GAD1: variants seen among roughly 807,000 people sequenced by gnomAD.
The protein encoded by GAD1 is 67 kDa glutamic acid decarboxylase.
In GAD1, 35 loss-of-function variants were observed where a neutral mutation model predicts 75.2. The observed-to-expected ratio is 0.47, with a 90% CI of 0.36 to 0.62. The LOEUF (loss-of-function observed/expected upper bound fraction) is 0.62, where lower values mean the gene tolerates loss of function less well. Ranked by LOEUF, GAD1 falls within the 20% of genes least tolerant of loss-of-function variation. The probability of loss-of-function intolerance (pLI) is 0.00; values close to 1 mark genes in which losing one functional copy is unlikely to be tolerated. For synonymous variants in GAD1, 257 were observed against 271.9 expected, an observed-to-expected ratio of 0.95 and a Z score of 0.54; for missense variants, 490 against 758.5, an observed-to-expected ratio of 0.65 and a Z score of 4.16.
In GAD1 at chr2:170,828,380, TCACCCTCCTCCCTCTGCTGTCCC is replaced by T. The variant is rs1296414378; in HGVS notation, c.146-1072_146-1050del. Among the ~76,000 whole-genome samples, 731 of 132,080 alleles carry T rather than the reference TCACCCTCCTCCCTCTGCTGTCCC, an allele frequency of 5.5e-3. 25 individuals carry two copies. The highest frequency in any genetic ancestry group is 0.039 in the Admixed American group (502 of 12,878). 86.6% of individuals were successfully genotyped at this position (132,080 alleles called of 152,430 possible). A position where few individuals can be genotyped will look rare whatever the true frequency, so the allele number is the denominator to read the frequency against. ...CCTCATCCCCTTCCCTCTGCTGTCC[TCACCCTCCTCCCTCTGCTGTCCC>T]CACCCTCCTCCCTCTGCTGTCCTCA... On this transcript the variant is annotated intron_variant, in intron 3 of 16. Transcript: ENST00000358196.
chr2:170,824,378 T>C (rs1701973858), intron 3 of GAD1, among the ~76,000 whole-genome samples: 1 of 146,306 alleles, frequency 6.8e-6, no homozygotes, highest in African/African-American at 2.6e-5. Flanking sequence ...CCTGCCTGCC[T>C]ACACACACAC....
In GAD1 at chr2:170,849,669, T is replaced by C. The variant is rs115264972; in HGVS notation, c.1184+319T>C. On this transcript the variant is annotated intron_variant, in intron 12 of 16. Transcript: ENST00000358196. ...TTCGAGACCAGCCTGGGCAACACAGTGAGACCCTGTCTCTAATAGCTATCA... is the reference window on the plus strand; with the variant it reads ...TTCGAGACCAGCCTGGGCAACACAGCGAGACCCTGTCTCTAATAGCTATCA... Among the ~76,000 whole-genome samples, 1,023 of 152,322 alleles carry C rather than the reference T, an allele frequency of 6.7e-3. 12 individuals are homozygous for C. The highest frequency in any genetic ancestry group is 0.023 in the African/African-American group (954 of 41,558).
Position 170,822,116 on chromosome 2 carries a change from G to C in GAD1, c.112G>C (p.Gly38Arg). 2 of 1,612,166 alleles carry C rather than the reference G, an allele frequency of 1.2e-6. No homozygotes were observed. Among genetic ancestry groups the C allele is most frequent in the Non-Finnish European group, 1.7e-6 (2 of 1,179,334 alleles). Reference sequence around the variant, plus strand: ...CGATACCTGGTGCGGCGTGGCCCATGGATGCACCAGAAAACTGGGGCTCAA... The same window carrying C: ...CGATACCTGGTGCGGCGTGGCCCATCGATGCACCAGAAAACTGGGGCTCAA... ...TYDTWCGVAHGCTRKLGLKIC... is the reference protein window; with the variant it reads ...TYDTWCGVAHRCTRKLGLKIC... The change falls in exon 3 of 17, where the codon GGA becomes CGA. Residue 38 changes from glycine (G) to arginine (R), a missense_variant. This residue lies in a region of GAD1 where 165 missense variants were observed against 216.4 expected (regional missense o/e 0.76). Coordinates refer to ENST00000358196, the MANE Select transcript of GAD1 (RefSeq NM_000817.3).
intron 5 of GAD1, among the ~76,000 whole-genome samples, chr2:170,836,252 G>T (rs1702370800): frequency 6.6e-6 from 1 of 152,130 alleles, no homozygotes; most frequent in Admixed American, 6.5e-5. Flanking sequence ...CAAGCCTGCT[G>T]ATGTGGAGTT....
intron 16 of GAD1, 64 bp downstream of exon 16, chr2:170,858,957 C>A: frequency 7.3e-7 from 1 of 1,379,064 alleles, no homozygotes; most frequent in Non-Finnish European, 1.0e-6. Context: ...AGGACATCCT[C>A]ATTCCAATGT....
intron 2 of GAD1, 136 bp from the exon 3 acceptor site, chr2:170,821,951 T>C (rs1261001239): frequency 1.3e-6 from 1 of 772,398 alleles, no homozygotes; most frequent in Non-Finnish European, 2.2e-6. Flanking sequence ...GGCTCCTAGC[T>C]CCTTTCAGGA....
At chr2:170,839,248 T>C (rs1231160713) in intron 6 of GAD1, among the ~76,000 whole-genome samples, 1 of 152,200 alleles carries the variant, frequency 6.6e-6, no homozygotes, top group Non-Finnish European at 1.5e-5. Flanking sequence ...TATTCCTCAG[T>C]CATAGCCTCT....
chr2:170,819,146 A>G (rs949108960), intron 2 of GAD1, among the ~76,000 whole-genome samples: 9 of 152,104 alleles, frequency 5.9e-5, no homozygotes, highest in African/African-American at 1.7e-4. Context: ...TTCGACGTTA[A>G]TTGCAGCTTT....
At chr2:170,815,682 T>G (rs904004232), upstream of GAD1, among the ~76,000 whole-genome samples, 2 of 152,066 alleles carry the variant, frequency 1.3e-5, no homozygotes, top group Admixed American at 1.3e-4. Context: ...GCCTACACGG[T>G]GTCACCCAGA....
In GAD1 at chr2:170,853,770, T is replaced by C. The variant is rs1202943312; in HGVS notation, c.1264-103T>C. The C allele has an allele frequency of 2.2e-5, 24 of 1,112,184 alleles. No homozygotes were observed. The highest frequency in any genetic ancestry group is 2.2e-4 in the Middle Eastern group (1 of 4,470). 68.9% of individuals were successfully genotyped at this position (1,112,184 alleles called of 1,614,324 possible). On this transcript the variant is annotated intron_variant, in intron 13 of 16. Transcript: ENST00000358196. The surrounding 1 kb of genome is among the most constrained non-coding windows in gnomAD (Gnocchi z 4.1). ...CCTCATAAAGACATCAGAAGAAAGA[T>C]TGCATATGACCCCAAGCCCCTCCTT... is the stretch of plus-strand genomic sequence containing the variant.
rs1328197424 is a variant in GAD1 at position 170,817,001 on chromosome 2, T to C, written c.-111T>C. On this transcript the variant is annotated 5_prime_UTR_variant, in exon 1 of 17. Transcript: ENST00000358196. ...CCGAGCCGAGCGGATCGCTGGGCGC[T>C]GTGCAGAGGAAAGGCGGGAGTGCCC... 2 of 187,914 alleles carry C rather than the reference T, an allele frequency of 1.1e-5. No individual in the cohort carries two copies. The highest frequency in any genetic ancestry group is 2.2e-5 in the Non-Finnish European group (2 of 90,740). The allele number at this position is 187,914 out of a possible 1,614,324, so 11.6% of individuals were successfully genotyped here.
In GAD1 at chr2:170,860,122, C is replaced by A. The variant is rs769409; in HGVS notation, c.*240C>A. Reference sequence around the variant, plus strand: ...TATGTACAGTTATACATACCTCTCTCTATATATACATGTATAGTGAGTGTG... The same window carrying A: ...TATGTACAGTTATACATACCTCTCTATATATATACATGTATAGTGAGTGTG... On this transcript the variant is annotated 3_prime_UTR_variant, in exon 17 of 17. Coordinates refer to ENST00000358196, the MANE Select transcript of GAD1 (RefSeq NM_000817.3). The A allele has an allele frequency of 5.3e-5, 27 of 508,074 alleles. No individual in the cohort carries two copies. Among genetic ancestry groups the A allele is most frequent in the African/African-American group, 3.5e-4 (18 of 51,798 alleles). 31.5% of individuals were successfully genotyped at this position (508,074 alleles called of 1,614,324 possible).
At position 170,861,108 on chromosome 2, in the gene GAD1, A is replaced by C; in HGVS notation, c.*1226A>C. On this transcript the variant is annotated 3_prime_UTR_variant, in exon 17 of 17. Transcript: ENST00000358196. The stretch of plus-strand genomic sequence containing the variant: ...GTGCGTTTTAGAGTATGCAAGAAGA[A>C]TATAAATAAATAAAAATATTCTCCA... The C allele has an allele frequency of 6.5e-6, 1 of 152,686 alleles. No individual in the cohort carries two copies. The highest frequency in any genetic ancestry group is 1.9e-4 in the East Asian group (1 of 5,204). The allele number at this position is 152,686 out of a possible 1,614,324, so 9.5% of individuals were successfully genotyped here. A position where few individuals can be genotyped will look rare whatever the true frequency, so the allele number is the denominator to read the frequency against.
chr2:170,817,684 C>G (rs1293178633), intron 1 of GAD1: 2 of 152,372 alleles, frequency 1.3e-5, no homozygotes, highest in South Asian at 2.1e-4. Flanking sequence ...CGCGCAAGTT[C>G]GTTTCCCCGG....
chr2:170,837,264 T>C (rs558225077), intron 6 of GAD1, among the ~76,000 whole-genome samples: 6 of 152,370 alleles, frequency 3.9e-5, no homozygotes, highest in Non-Finnish European at 5.9e-5. Context: ...GTTTCTTCCA[T>C]AATTAAAGCA....
At position 170,828,132 on chromosome 2, in the gene GAD1, TC is replaced by T. The variant is rs1468709872; in HGVS notation, c.146-1340del. On this transcript the variant is annotated intron_variant, in intron 3 of 16. Transcript: ENST00000358196. ...CCTCCCTCTGCTGTCCTCACCCTCC[TC>T]CCTCTGCTGTCCTCACCCTCCTCCC... Among the ~76,000 whole-genome samples, 123 of 141,744 alleles carry T rather than the reference TC, an allele frequency of 8.7e-4. 1 individual carries two copies. Among genetic ancestry groups the T allele is most frequent in the African/African-American group, 3.3e-3 (119 of 36,568 alleles). The allele number at this position is 141,744 out of a possible 152,430, so 93.0% of individuals were successfully genotyped here. A position where few individuals can be genotyped will look rare whatever the true frequency, so the allele number is the denominator to read the frequency against.
chr2:170,844,411 T>TC (rs1412537442), intron 7 of GAD1, among the ~76,000 whole-genome samples: 2 of 146,922 alleles, frequency 1.4e-5, no homozygotes, highest in Non-Finnish European at 3.0e-5. Flanking sequence ...TTTTTTCTTT[T>TC]TTTTTTTTTT....
At chr2:170,847,370 T>A (rs1409036202) in intron 10 of GAD1, among the ~76,000 whole-genome samples, 2 of 152,144 alleles carry the variant, frequency 1.3e-5, no homozygotes, top group Non-Finnish European at 2.9e-5. Flanking sequence ...TAGCTTATTA[T>A]CTGTCACCTG....
intron 7 of GAD1, among the ~76,000 whole-genome samples, chr2:170,844,583 T>C (rs1272201449): frequency 1.3e-5 from 2 of 152,034 alleles, no homozygotes. Flanking sequence ...CGTTTTAAAA[T>C]TTCTTTTGTA....
Sources: gnomAD v4.1 joint callset for allele counts (sites outside exome capture counted in the v4.1 genomes callset) on GRCh38, gnomAD v4.1.1 for gene constraint, gnomAD v4.1.1 regional missense constraint, Gnocchi (gnomAD v3.1) non-coding constraint, MANE v1.5 for transcripts, NCBI Gene and HGNC (gene_info 2026-07-23, HGNC 2026-07-21) for gene names.